Variants in JAKMIP1 observed in about 807,000 individuals in gnomAD.
JAKMIP1 encodes janus kinase and microtubule interacting protein 1.
Under a neutral mutation model 113.0 loss-of-function variants are expected in JAKMIP1, and 33 were observed. That is an observed-to-expected ratio of 0.29 (90% confidence interval 0.22 to 0.39). JAKMIP1 has a LOEUF of 0.39. Ranked by LOEUF, JAKMIP1 falls within the 10% of genes least tolerant of loss-of-function variation. The pLI is 1.00. For synonymous variants in JAKMIP1, 480 were observed against 459.9 expected, an observed-to-expected ratio of 1.04 and a Z score of -0.56; for missense variants, 813 against 1,080.5, an observed-to-expected ratio of 0.75 and a Z score of 3.47.
Position 6,049,262 on chromosome 4 carries a change from C to T in JAKMIP1, c.1963-340G>A, listed in dbSNP as rs541043543. Among the ~76,000 whole-genome samples the T allele has an allele frequency of 6.6e-6, 1 of 152,320 alleles. No individual in the cohort carries two copies. Among genetic ancestry groups the T allele is most frequent in the East Asian group, 1.9e-4 (1 of 5,180 alleles). Reference sequence around the variant, plus strand: ...TGTTGGCCAGGCTGGTCTCGAACTCCTGACCTCAGGTGATCCGCCAGCCTC... The same window carrying T: ...TGTTGGCCAGGCTGGTCTCGAACTCTTGACCTCAGGTGATCCGCCAGCCTC... On this transcript the variant is annotated intron_variant, in intron 15 of 20. Transcript: ENST00000409021. This position sits in a 1 kb window ranked among gnomAD's most constrained non-coding sequence, Gnocchi z 7.0.
chr4:6,041,358 T>C (rs34561785), intron 17 of JAKMIP1, among the ~76,000 whole-genome samples: 17,220 of 152,096 alleles, frequency 0.11, 1,278 homozygotes, highest in African/African-American at 0.2. Flanking sequence ...ATGGCAGAGG[T>C]GGGAGTAGAA....
At chr4:6,149,043 C>T (rs757810948) in intron 1 of JAKMIP1, among the ~76,000 whole-genome samples, 23 of 152,034 alleles carry the variant, frequency 1.5e-4, no homozygotes, top group African/African-American at 2.7e-4. Flanking sequence ...TCCAAGAGGC[C>T]GTGTAACCCG....
chr4:6,036,299 A>G (rs114768635), intron 18 of JAKMIP1, among the ~76,000 whole-genome samples, 192 bp from the exon 19 acceptor site: 1 of 152,344 alleles, frequency 6.6e-6, no homozygotes, highest in Non-Finnish European at 1.5e-5. Flanking sequence ...GGCCCCGCAC[A>G]CTTGTCATTT....
rs900878900 is a variant in JAKMIP1 at position 6,137,977 on chromosome 4, C to T, written c.-147-24980G>A. ...TCCTGGCTTGCAGCTGAGGCTGTAA[C>T]CAGCTCTGGGACAGTGGCTCCCAAT... is the stretch of plus-strand genomic sequence containing the variant. On this transcript the variant is annotated intron_variant, in intron 1 of 20. Coordinates refer to ENST00000409021, the MANE Select transcript of JAKMIP1 (RefSeq NM_001099433.2). The surrounding 1 kb of genome is among the most constrained non-coding windows in gnomAD (Gnocchi z 4.5). 6.6e-6 allele frequency among the ~76,000 whole-genome samples: 1 copy of T among 152,226 alleles called. No individual in the cohort carries two copies. The highest frequency in any genetic ancestry group is 1.5e-5 in the Non-Finnish European group (1 of 68,040).
intron 1 of JAKMIP1, among the ~76,000 whole-genome samples, chr4:6,126,294 A>G (rs1340679169): frequency 2.1e-4 from 30 of 144,700 alleles, no homozygotes; most frequent in African/African-American, 4.1e-4. Context: ...AAACACACAC[A>G]CACCATACAG....
chr4:6,182,189 GA>G (rs1172038409), intron 1 of JAKMIP1, among the ~76,000 whole-genome samples: 9 of 151,940 alleles, frequency 5.9e-5, no homozygotes, highest in Non-Finnish European at 1.0e-4. Context: ...GGGGAAGGTG[GA>G]TTGCTTGAGC....
chr4:6,033,551 G>C (rs1451177266), intron 19 of JAKMIP1, among the ~76,000 whole-genome samples: 2 of 152,196 alleles, frequency 1.3e-5, no homozygotes, highest in Non-Finnish European at 2.9e-5. Flanking sequence ...ACTTCAAGTT[G>C]TGTGTGTTGA....
intron 1 of JAKMIP1, among the ~76,000 whole-genome samples, chr4:6,127,344 G>A (rs1048960079): frequency 1.2e-4 from 18 of 152,170 alleles, no homozygotes; most frequent in Non-Finnish European, 2.5e-4. Context: ...CCCCACACAC[G>A]GAAAACTCAC....
Position 6,157,145 on chromosome 4 carries a change from G to A in JAKMIP1, c.-148+43108C>T, listed in dbSNP as rs926498197. 3.3e-5 allele frequency among the ~76,000 whole-genome samples: 5 copies of A among 152,210 alleles called. No homozygotes were observed. The highest frequency in any genetic ancestry group is 1.2e-4 in the African/African-American group (5 of 41,460). On this transcript the variant is annotated intron_variant, in intron 1 of 20. Transcript: ENST00000409021. The surrounding 1 kb of genome is among the most constrained non-coding windows in gnomAD (Gnocchi z 4.7). The stretch of plus-strand genomic sequence containing the variant: ...CTCTTGCCCTGCTGCCTTCTGCCAT[G>A]AGATGTGGCAAGAAGGCCCTTGCCA...
rs1726420670 is a variant in JAKMIP1, at chr4:6,184,545, C to T, written c.-148+15708G>A. On this transcript the variant is annotated intron_variant, in intron 1 of 20. Transcript: ENST00000409021. The surrounding 1 kb of genome is among the most constrained non-coding windows in gnomAD (Gnocchi z 4.5). ...AGCCAAGCACACCCTCCACCCTGAG[C>T]GCCAGTGTGGGATGGGTGCTATATG... Among the ~76,000 whole-genome samples the T allele has an allele frequency of 6.6e-6, 1 of 152,196 alleles. No individual in the cohort carries two copies.
At position 6,106,252 on chromosome 4, in the gene JAKMIP1, A is replaced by G. The variant is rs900618820; in HGVS notation, c.130-285T>C. On this transcript the variant is annotated intron_variant, in intron 2 of 20. Coordinates refer to ENST00000409021, the MANE Select transcript of JAKMIP1 (RefSeq NM_001099433.2). This position sits in a 1 kb window ranked among gnomAD's most constrained non-coding sequence, Gnocchi z 5.9. ...GCCTTTGACATCTCTTCCAGGTTGT[A>G]AATTGAGACGACTGCTCAATCACAA... Among the ~76,000 whole-genome samples, 2 of 152,244 alleles carry G rather than the reference A, an allele frequency of 1.3e-5. No homozygotes were observed. Among genetic ancestry groups the G allele is most frequent in the Non-Finnish European group, 2.9e-5 (2 of 68,044 alleles).
At chr4:6,104,295 C>T (rs540901096) in intron 3 of JAKMIP1, among the ~76,000 whole-genome samples, 4 of 152,286 alleles carry the variant, frequency 2.6e-5, no homozygotes, top group East Asian at 1.9e-4. Flanking sequence ...GAAGCGTGTT[C>T]GTCCCCAACC....
chr4:6,123,093 G>A (rs185152743), intron 1 of JAKMIP1, among the ~76,000 whole-genome samples: 1 of 152,176 alleles, frequency 6.6e-6, no homozygotes, highest in South Asian at 2.1e-4. Context: ...AATGCAAAAG[G>A]CTCTGTTAGT....
intron 1 of JAKMIP1, among the ~76,000 whole-genome samples, chr4:6,172,783 C>T (rs1326430378): frequency 6.6e-6 from 1 of 152,072 alleles, no homozygotes; most frequent in East Asian, 1.9e-4. Flanking sequence ...AGATGCCCCA[C>T]CCTGCCCAAG....
In JAKMIP1 at chr4:6,107,940, G is replaced by A. The variant is rs113767553; in HGVS notation, c.130-1973C>T. 1.1e-4 allele frequency among the ~76,000 whole-genome samples: 17 copies of A among 152,250 alleles called. No homozygotes were observed. The South Asian group carries it at 2.5e-3, about 22-fold the overall frequency. On this transcript the variant is annotated intron_variant, in intron 2 of 20. Coordinates refer to ENST00000409021, the MANE Select transcript of JAKMIP1 (RefSeq NM_001099433.2). The stretch of plus-strand genomic sequence containing the variant: ...GGGTGAATGGAAGTCTGTTGTTATC[G>A]TGGTTCTGACTTTCTGCATCAGGGG...
chr4:6,031,819 T>A lies in JAKMIP1; in HGVS notation c.2380-2038A>T, dbSNP rs115810824. On this transcript the variant is annotated intron_variant, in intron 19 of 20. Transcript: ENST00000409021. This position sits in a 1 kb window ranked among gnomAD's most constrained non-coding sequence, Gnocchi z 4.4. ...TCTGCCTCCCTGAGGCTTGGTGTCC[T>A]TATCTATAGATGGGTGCTGCCCACA... 2.6e-3 allele frequency among the ~76,000 whole-genome samples: 399 copies of A among 152,350 alleles called. 4 individuals carry two copies. Among genetic ancestry groups the A allele is most frequent in the African/African-American group, 9.2e-3 (381 of 41,574 alleles).
At chr4:6,102,669 C>T (rs1713241712) in intron 3 of JAKMIP1, among the ~76,000 whole-genome samples, 4 of 149,358 alleles carry the variant, frequency 2.7e-5, no homozygotes, top group Admixed American at 2.7e-4. Context: ...TGCTACATCA[C>T]AACCATAGCA....
chr4:6,026,796 G>T (rs1041629997), intron 20 of JAKMIP1, among the ~76,000 whole-genome samples: 20 of 151,590 alleles, frequency 1.3e-4, no homozygotes, highest in African/African-American at 4.9e-4. Context: ...GCCCCATGTG[G>T]CCCACGGCAG....
At position 6,154,760 on chromosome 4, in the gene JAKMIP1, AACTACAG is replaced by A. The variant is rs1722030607; in HGVS notation, c.-147-41770_-147-41764del. The stretch of plus-strand genomic sequence containing the variant: ...TAACTCCCCACCCCCAGCCATCATG[AACTACAG>A]ACAGCACCCTAAACATCCTGTTCTG... On this transcript the variant is annotated intron_variant, in intron 1 of 20. Transcript: ENST00000409021. This position sits in a 1 kb window ranked among gnomAD's most constrained non-coding sequence, Gnocchi z 4.2. Among the ~76,000 whole-genome samples, 1 of 152,042 alleles carries A rather than the reference AACTACAG, an allele frequency of 6.6e-6. No homozygotes were observed. The highest frequency in any genetic ancestry group is 1.5e-5 in the Non-Finnish European group (1 of 68,002).
Sources: allele counts gnomAD v4.1 joint callset (sites outside exome capture counted in the v4.1 genomes callset), GRCh38; gene constraint gnomAD v4.1.1; non-coding constraint Gnocchi (gnomAD v3.1); transcripts MANE v1.5; gene names NCBI Gene and HGNC (gene_info 2026-07-23, HGNC 2026-07-21).